UGT2B7: variants seen among roughly 807,000 people sequenced by gnomAD.
UGT2B7 encodes UDP-glucuronosyltransferase 2B7.
A neutral mutation model predicts 51.9 loss-of-function variants in UGT2B7; 51 were observed. The ratio of observed to expected loss-of-function variants is 0.98; its 90% confidence interval spans 0.78 to 1.24. The LOEUF (loss-of-function observed/expected upper bound fraction) is 1.24, where lower values mean the gene tolerates loss of function less well. UGT2B7 is among the 50% of genes most tolerant of loss of function. The probability of loss-of-function intolerance (pLI) is 0.00; values close to 1 mark genes in which losing one functional copy is unlikely to be tolerated. For missense variants in UGT2B7, 727 were observed against 628.4 expected (o/e 1.16, Z -1.68); for synonymous variants, 225 against 211.6 (o/e 1.06, Z -0.55).
At position 69,097,052 on chromosome 4, in the gene UGT2B7, T is replaced by C. The variant is rs776448390; in HGVS notation, c.532T>C (p.Tyr178His). 1.4e-5 allele frequency: 23 copies of C among 1,613,870 alleles called. 1 individual carries two copies. In the South Asian group the frequency reaches 2.4e-4, roughly 17 times the overall value. The change falls in exon 1 of 6, where the codon TAC (tyrosine) becomes CAC (histidine). Residue 178 changes from tyrosine (Y) to histidine (H), a missense_variant. Physicochemically the swap from Tyr to His is moderately conservative, Grantham distance 83. Coordinates refer to ENST00000305231, the MANE Select transcript of UGT2B7 (RefSeq NM_001074.4). ...GTACAGTCTCAGCTTCTCTCCTGGC[T>C]ACACTTTTGAAAAGCATAGTGGAGG... ...FVYSLSFSPG[Y>H]TFEKHSGGFI...
chr4:69,098,460 C>A, intron 1 of UGT2B7, 80 bp from the exon 2 acceptor site: 1 of 1,523,742 alleles, frequency 6.6e-7, no homozygotes, highest in African/African-American at 1.4e-5. Flanking sequence ...TTTTTGCCTA[C>A]ATTATTCTAA....
chr4:69,099,090 A>C (rs28539948), intron 2 of UGT2B7, among the ~76,000 whole-genome samples: 5,059 of 152,078 alleles, frequency 0.033, 119 homozygotes, highest in Middle Eastern at 0.11. Flanking sequence ...AAAAGATAGA[A>C]TATGTGCAAG....
chr4:69,061,776 G>C (rs1003752738), intron 1 of UGT2B7, among the ~76,000 whole-genome samples: 1 of 152,110 alleles, frequency 6.6e-6, no homozygotes, highest in Admixed American at 6.6e-5. Context: ...CCCCTGAAAA[G>C]GGCCCACTCA....
chr4:69,072,290 T>C (rs1718618621), intron 1 of UGT2B7, among the ~76,000 whole-genome samples: 1 of 152,168 alleles, frequency 6.6e-6, no homozygotes. Flanking sequence ...AGTAGTCACA[T>C]GGAATCACTG....
intron 3 of UGT2B7, 121 bp downstream of exon 3, chr4:69,103,059 C>T: frequency 6.7e-7 from 1 of 1,492,506 alleles, no homozygotes; most frequent in Non-Finnish European, 8.9e-7. Flanking sequence ...AAAATTAGAA[C>T]AAGGATAATC....
intron 1 of UGT2B7, among the ~76,000 whole-genome samples, chr4:69,069,450 A>AT (rs1718553796): frequency 6.6e-6 from 1 of 151,970 alleles, no homozygotes. Flanking sequence ...ATCTCTTCAC[A>AT]TCTTGAAATC....
rs76147190 is a variant in UGT2B7, at chr4:69,065,721, C to A, written c.-159+14119C>A. ...TAAATTGTCAGATATCAGACTCTAACTTATGGAACAAATGAATATAAGTAA... is the reference window on the plus strand; with the variant it reads ...TAAATTGTCAGATATCAGACTCTAAATTATGGAACAAATGAATATAAGTAA... On this transcript the variant is annotated intron_variant, in intron 1 of 5. Transcript: ENST00000502942. Among the ~76,000 whole-genome samples, 867 of 152,188 alleles carry A rather than the reference C, an allele frequency of 5.7e-3. 33 individuals are homozygous for A. In the East Asian group the frequency reaches 0.11, roughly 19 times the overall value.
chr4:69,064,748 T>A (rs1577908877), intron 1 of UGT2B7, among the ~76,000 whole-genome samples: 1 of 152,130 alleles, frequency 6.6e-6, no homozygotes, highest in African/African-American at 2.4e-5. Flanking sequence ...AATAAAGATA[T>A]CCTCCTGTAT....
chr4:69,100,542 TC>T lies in UGT2B7; in HGVS notation c.870+1855del, dbSNP rs796413800. On this transcript the variant is annotated intron_variant, in intron 2 of 5. Coordinates refer to ENST00000305231, the MANE Select transcript of UGT2B7 (RefSeq NM_001074.4). ...GTATGGGCTTTATATGATAACTTTC[TC>T]AAGAGACAAAAGCTGAGGTAAGACT... 4.6e-5 allele frequency among the ~76,000 whole-genome samples: 7 copies of T among 152,106 alleles called. No homozygotes were observed. The South Asian group carries it at 1.0e-3, about 23-fold the overall frequency.
intron 1 of UGT2B7, among the ~76,000 whole-genome samples, chr4:69,057,566 G>T (rs1427079110): frequency 6.6e-6 from 1 of 152,120 alleles, no homozygotes; most frequent in Non-Finnish European, 1.5e-5. Context: ...GATCTCAAAG[G>T]GATATTTGCA....
intron 1 of UGT2B7, among the ~76,000 whole-genome samples, chr4:69,060,723 T>C (rs1334085350): frequency 6.6e-6 from 1 of 152,222 alleles, no homozygotes; most frequent in Non-Finnish European, 1.5e-5. Flanking sequence ...AGGAAGCTAA[T>C]AAGCTGACTT....
chr4:69,071,231 C>T (rs552683968), intron 1 of UGT2B7, among the ~76,000 whole-genome samples: 2 of 152,182 alleles, frequency 1.3e-5, no homozygotes, highest in Non-Finnish European at 2.9e-5. Context: ...TATGATCTCA[C>T]CTTTCTTGCC....
intron 1 of UGT2B7, among the ~76,000 whole-genome samples, chr4:69,053,230 A>C (rs768230187): frequency 2.6e-5 from 4 of 152,242 alleles, no homozygotes; most frequent in Non-Finnish European, 4.4e-5. Context: ...AATTTAGCTT[A>C]TCTGGTATAA....
intron 1 of UGT2B7, among the ~76,000 whole-genome samples, chr4:69,055,393 G>T (rs780020566): frequency 6.7e-6 from 1 of 148,426 alleles, no homozygotes; most frequent in Non-Finnish European, 1.5e-5. Context: ...AGTAGGAGCT[G>T]CAACCTTTTA....
At chr4:69,074,349 T>G (rs987475559) in intron 1 of UGT2B7, among the ~76,000 whole-genome samples, 2 of 151,290 alleles carry the variant, frequency 1.3e-5, no homozygotes, top group African/African-American at 4.9e-5. Context: ...TTGACCTTGG[T>G]AGGTTGAGGC....
At chr4:69,053,710 T>G (rs934740282) in intron 1 of UGT2B7, among the ~76,000 whole-genome samples, 1 of 152,164 alleles carries the variant, frequency 6.6e-6, no homozygotes, top group African/African-American at 2.4e-5. Flanking sequence ...GGAGACAGCA[T>G]TCCTTAGAGA....
chr4:69,095,733 C>T (rs552987304), upstream of UGT2B7, among the ~76,000 whole-genome samples: 286 of 152,252 alleles, frequency 1.9e-3, no homozygotes, highest in Non-Finnish European at 3.7e-3. Flanking sequence ...AAGATAGTGT[C>T]ATCTTGAAAC....
chr4:69,062,562 C>T (rs1298045203), intron 1 of UGT2B7, among the ~76,000 whole-genome samples: 1 of 152,136 alleles, frequency 6.6e-6, no homozygotes, highest in African/African-American at 2.4e-5. Flanking sequence ...GGTATCGTGC[C>T]TTGGATCCAC....
intron 2 of UGT2B7, among the ~76,000 whole-genome samples, chr4:69,101,720 A>T (rs1462014297): frequency 2.0e-5 from 3 of 152,208 alleles, no homozygotes; most frequent in Admixed American, 6.6e-5. Flanking sequence ...TGTGAAGAAC[A>T]GTTAGGAAAA....
Sources: gnomAD v4.1 joint callset for allele counts (sites outside exome capture counted in the v4.1 genomes callset) on GRCh38, gnomAD v4.1.1 for gene constraint, MANE v1.5 for transcripts, NCBI Gene and HGNC (gene_info 2026-07-23, HGNC 2026-07-21) for gene names.